The following TPH2 variants were observed in gnomAD, a reference collection of about 807,000 sequenced individuals.
TPH2 encodes the protein tryptophan 5-hydroxylase 2.
In TPH2, 27 loss-of-function variants were observed where a neutral mutation model predicts 59.1. The observed-to-expected ratio is 0.46, with a 90% CI of 0.34 to 0.63. TPH2 has a LOEUF of 0.63. Ranked by LOEUF, TPH2 falls within the 30% of genes least tolerant of loss-of-function variation. TPH2 has a pLI of 0.01. For synonymous variants in TPH2, 220 were observed against 210.5 expected (o/e 1.05, Z -0.39); for missense variants, 523 against 588.3 (o/e 0.89, Z 1.15).
At chr12:71,975,990 T>C (rs1173326793) in intron 6 of TPH2, among the ~76,000 whole-genome samples, 2 of 152,322 alleles carry the variant, frequency 1.3e-5, no homozygotes, top group Non-Finnish European at 1.5e-5. Flanking sequence ...TAAATACTGT[T>C]GTATTTGCCC....
chr12:71,969,080 G>C (rs1342255848), intron 5 of TPH2, among the ~76,000 whole-genome samples: 1 of 152,154 alleles, frequency 6.6e-6, no homozygotes, highest in Admixed American at 6.5e-5. Context: ...TCAGGAGATC[G>C]AGATCATCTT....
chr12:72,014,958 T>A lies in TPH2; in HGVS notation c.1069-7441T>A, dbSNP rs563932429. On this transcript the variant is annotated intron_variant, in intron 8 of 10. Coordinates refer to ENST00000333850, the MANE Select transcript of TPH2 (RefSeq NM_173353.4). ...TTCCCAACGTTGATTTTTATTGCCT[T>A]AAAACCTCTATTCCAAAGCTTTTTG... Among the ~76,000 whole-genome samples the A allele has an allele frequency of 4.0e-4, 61 of 152,296 alleles. No individual in the cohort carries two copies. The Middle Eastern group carries it at 0.01, about 25-fold the overall frequency.
intron 4 of TPH2, among the ~76,000 whole-genome samples, chr12:71,948,851 A>G (rs1871270295): frequency 6.6e-6 from 1 of 152,152 alleles, no homozygotes; most frequent in South Asian, 2.1e-4. Flanking sequence ...TCTGTTGACA[A>G]GAGGAGAGAT....
intron 5 of TPH2, among the ~76,000 whole-genome samples, chr12:71,968,604 G>A (rs1048596790): frequency 7.9e-5 from 12 of 152,212 alleles, no homozygotes; most frequent in African/African-American, 2.9e-4. Flanking sequence ...GTCCGGTTGG[G>A]AAAGAAAGTG....
rs1238288940 is a variant in TPH2, at chr12:72,010,397, C to A, written c.1069-12002C>A. On this transcript the variant is annotated intron_variant, in intron 8 of 10. Coordinates refer to ENST00000333850, the MANE Select transcript of TPH2 (RefSeq NM_173353.4). ...CGGGGACCCCAGCTCAAAGGTATAT[C>A]TTTTCAGCCCCATTTACACATATAG... 2.6e-5 allele frequency among the ~76,000 whole-genome samples: 4 copies of A among 152,158 alleles called. No homozygotes were observed. In the East Asian group the frequency reaches 7.7e-4, roughly 29 times the overall value.
intron 8 of TPH2, among the ~76,000 whole-genome samples, chr12:71,996,002 AAAC>A (rs1452218537): frequency 1.3e-5 from 2 of 152,248 alleles, no homozygotes; most frequent in African/African-American, 4.8e-5. Flanking sequence ...TAGTGGCTTA[AAAC>A]AACAAACATC....
At chr12:71,980,811 G>A (rs1408158875) in intron 7 of TPH2, among the ~76,000 whole-genome samples, 2 of 152,236 alleles carry the variant, frequency 1.3e-5, no homozygotes, top group East Asian at 3.8e-4. Context: ...TTTAGCCACA[G>A]AGGATAATGT....
intron 5 of TPH2, among the ~76,000 whole-genome samples, chr12:71,957,993 G>A (rs1250318935): frequency 6.6e-6 from 1 of 152,198 alleles, no homozygotes; most frequent in Non-Finnish European, 1.5e-5. Flanking sequence ...TGTTAAACGT[G>A]TCACTTGATT....
At chr12:71,956,131 T>C (rs1871488523) in intron 5 of TPH2, among the ~76,000 whole-genome samples, 1 of 152,212 alleles carries the variant, frequency 6.6e-6, no homozygotes, top group Admixed American at 6.5e-5. Context: ...GTGGCCTCTC[T>C]ACCAGGCAGC....
intron 5 of TPH2, among the ~76,000 whole-genome samples, chr12:71,967,117 G>A (rs1280870336): frequency 6.6e-6 from 1 of 152,148 alleles, no homozygotes; most frequent in Non-Finnish European, 1.5e-5. Context: ...CTGAATTTCT[G>A]AGTCAAAAAT....
chr12:72,005,686 T>G (rs1014305803), intron 8 of TPH2, among the ~76,000 whole-genome samples: 4 of 152,204 alleles, frequency 2.6e-5, no homozygotes, highest in Non-Finnish European at 5.9e-5. Context: ...ATAGGGGGTT[T>G]GTAACTTTCA....
chr12:71,982,935 T>C (rs10748189), intron 7 of TPH2, among the ~76,000 whole-genome samples: 128,849 of 152,198 alleles, frequency 0.85, 54,644 homozygotes, highest in East Asian at 0.96. Context: ...AACATATCTT[T>C]GACTTCTTTT....
intron 5 of TPH2, among the ~76,000 whole-genome samples, chr12:71,969,921 C>G (rs1296705119): frequency 6.6e-6 from 1 of 152,128 alleles, no homozygotes; most frequent in African/African-American, 2.4e-5. Flanking sequence ...CAGTATCTAC[C>G]TCATGGAATT....
chr12:71,945,637 G>A (rs968318195), intron 4 of TPH2, among the ~76,000 whole-genome samples: 5 of 152,106 alleles, frequency 3.3e-5, no homozygotes, highest in Admixed American at 6.6e-5. Flanking sequence ...AACATCAGCA[G>A]TGTCAGTATC....
rs1162137182 is a variant in TPH2, at chr12:72,004,418, A to C, written c.1068+9853A>C. 5.3e-5 allele frequency among the ~76,000 whole-genome samples: 8 copies of C among 150,548 alleles called. No individual in the cohort carries two copies. In the East Asian group the frequency reaches 1.6e-3, roughly 30 times the overall value. On this transcript the variant is annotated intron_variant, in intron 8 of 10. Coordinates refer to ENST00000333850, the MANE Select transcript of TPH2 (RefSeq NM_173353.4). ...ATACTTCTTCTCATCATTACCTAAA[A>C]AATTCTAACTGCACCAAAGGAGGTG...
chr12:72,020,173 G>C (rs1305195106), intron 8 of TPH2, among the ~76,000 whole-genome samples: 1 of 152,168 alleles, frequency 6.6e-6, no homozygotes, highest in Non-Finnish European at 1.5e-5. Context: ...GAGTGCTACT[G>C]GCACCTAGTT....
At chr12:71,986,052 G>T (rs114215896) in intron 7 of TPH2, among the ~76,000 whole-genome samples, 1,956 of 152,322 alleles carry the variant, frequency 0.013, 41 homozygotes, top group African/African-American at 0.045. Context: ...AAGTGACAAA[G>T]TACCTTCTCA....
At chr12:71,985,382 G>C (rs1272072077) in intron 7 of TPH2, among the ~76,000 whole-genome samples, 1 of 152,006 alleles carries the variant, frequency 6.6e-6, no homozygotes, top group Non-Finnish European at 1.5e-5. Context: ...TTTGTAGAAG[G>C]GATTTGAAAA....
At chr12:71,962,460 G>T in intron 5 of TPH2, 1 of 985,268 alleles carries the variant, frequency 1.0e-6, no homozygotes, top group Non-Finnish European at 1.2e-6. Flanking sequence ...TCTAGATAAG[G>T]GTCAGGAAAA....
Sources: allele counts gnomAD v4.1 joint callset (sites outside exome capture counted in the v4.1 genomes callset), GRCh38; gene constraint gnomAD v4.1.1; transcripts MANE v1.5; gene names NCBI Gene and HGNC (gene_info 2026-07-23, HGNC 2026-07-21).